The following TNS3 variants were observed in gnomAD, a reference collection of about 807,000 sequenced individuals.
TNS3 encodes the protein tensin 3.
In TNS3, 45 loss-of-function variants were observed where a neutral mutation model predicts 140.9. That is an observed-to-expected ratio of 0.32 (90% CI 0.25 to 0.41). The LOEUF (loss-of-function observed/expected upper bound fraction) is 0.41. TNS3 is among the 10% of genes least tolerant of loss of function. TNS3 has a pLI of 1.00. For synonymous variants in TNS3, 815 were observed against 788.4 expected (o/e 1.03, Z -0.56); for missense variants, 1,716 against 1,906.7 (o/e 0.90, Z 1.86).
At chr7:47,479,791 T>C (rs932095304) in intron 4 of TNS3, among the ~76,000 whole-genome samples, 1 of 152,238 alleles carries the variant, frequency 6.6e-6, no homozygotes, top group Non-Finnish European at 1.5e-5. Flanking sequence ...CAGGCTTCTG[T>C]GACAGGCCTG....
At chr7:47,566,743 G>A (rs971479195) in intron 1 of TNS3, among the ~76,000 whole-genome samples, 1 of 152,124 alleles carries the variant, frequency 6.6e-6, no homozygotes, top group Non-Finnish European at 1.5e-5. Context: ...AGGACAAAAA[G>A]ACATTCCATC....
intron 5 of TNS3, 96 bp downstream of exon 5, chr7:47,441,907 T>A: frequency 1.1e-6 from 1 of 911,628 alleles, no homozygotes; most frequent in Non-Finnish European, 1.5e-6. Context: ...AATTATGATT[T>A]CTACAGAAGA....
intron 4 of TNS3, among the ~76,000 whole-genome samples, chr7:47,459,424 G>T (rs996607134): frequency 2.6e-5 from 4 of 152,208 alleles, no homozygotes; most frequent in Non-Finnish European, 5.9e-5. Context: ...CAAAGGTAAA[G>T]AGACTTGAAG....
chr7:47,537,857 C>G (rs1014463554), intron 1 of TNS3, among the ~76,000 whole-genome samples: 3 of 152,012 alleles, frequency 2.0e-5, no homozygotes, highest in Admixed American at 2.0e-4. Context: ...ACACGCCTAA[C>G]CAGGTAAGGA....
At chr7:47,424,052 G>T in intron 10 of TNS3, 49 bp downstream of exon 10, 3 of 1,576,396 alleles carry the variant, frequency 1.9e-6, no homozygotes, top group Non-Finnish European at 2.6e-6. Flanking sequence ...ATTTTTATAT[G>T]TAAAATTTCA....
At chr7:47,504,672 G>A (rs1798347752) in intron 3 of TNS3, among the ~76,000 whole-genome samples, 1 of 152,222 alleles carries the variant, frequency 6.6e-6, no homozygotes. Context: ...AGAAGCCACA[G>A]CCATATTCAG....
At chr7:47,363,952 T>G (rs1477334841) in intron 17 of TNS3, among the ~76,000 whole-genome samples, 2 of 152,158 alleles carry the variant, frequency 1.3e-5, no homozygotes, top group African/African-American at 4.8e-5. Context: ...TTTGGCTGGC[T>G]GAGGAGACGG....
At chr7:47,292,796 A>G in intron 26 of TNS3, 32 bp downstream of exon 26, 2 of 1,599,726 alleles carry the variant, frequency 1.3e-6, no homozygotes, top group Middle Eastern at 3.3e-4. Flanking sequence ...GACAATCTAC[A>G]CAGAGCCTGA....
At chr7:47,360,467 C>G (rs1044379358) in intron 17 of TNS3, among the ~76,000 whole-genome samples, 1 of 152,208 alleles carries the variant, frequency 6.6e-6, no homozygotes, top group African/African-American at 2.4e-5. Flanking sequence ...GCATGTCCAG[C>G]GCCCGGGGCC....
intron 27 of TNS3, among the ~76,000 whole-genome samples, chr7:47,285,643 T>C (rs146784779): frequency 2.0e-5 from 3 of 152,338 alleles, no homozygotes; most frequent in East Asian, 3.9e-4. Context: ...GAGAGCCGAC[T>C]AGTATACTTG....
intron 16 of TNS3, among the ~76,000 whole-genome samples, chr7:47,392,525 C>T (rs1792587393): frequency 1.3e-5 from 2 of 152,084 alleles, no homozygotes; most frequent in South Asian, 4.2e-4. Flanking sequence ...GAGAGTGCCG[C>T]AATACATCAT....
intron 2 of TNS3, among the ~76,000 whole-genome samples, chr7:47,526,741 T>G (rs1439988524): frequency 2.0e-5 from 3 of 152,242 alleles, no homozygotes; most frequent in Admixed American, 1.3e-4. Flanking sequence ...GATGCCATGC[T>G]GCTCATGACA....
At chr7:47,482,550 G>A (rs186380393) in intron 3 of TNS3, among the ~76,000 whole-genome samples, 3 of 152,292 alleles carry the variant, frequency 2.0e-5, no homozygotes, top group Admixed American at 6.5e-5. Flanking sequence ...GGAAACAGCC[G>A]GACAAGGAGA....
intron 3 of TNS3, among the ~76,000 whole-genome samples, chr7:47,483,993 TAAGA>T (rs977185267): frequency 9.8e-5 from 15 of 152,330 alleles, no homozygotes; most frequent in African/African-American, 3.6e-4. Context: ...GAATCGTTTT[TAAGA>T]AAGTGAGCTG....
At chr7:47,344,725 G>C in intron 20 of TNS3, 30 bp downstream of exon 20, 1 of 1,598,560 alleles carries the variant, frequency 6.3e-7, no homozygotes, top group Non-Finnish European at 8.5e-7. Context: ...TGAGTGCCGC[G>C]CGCCTGTGAC....
At chr7:47,422,753 T>C (rs1405621376) in intron 10 of TNS3, among the ~76,000 whole-genome samples, 1 of 152,180 alleles carries the variant, frequency 6.6e-6, no homozygotes, top group Non-Finnish European at 1.5e-5. Context: ...GGACTTCCTG[T>C]GTGCCAAGCA....
intron 16 of TNS3, among the ~76,000 whole-genome samples, chr7:47,392,324 T>C (rs74755962): frequency 0.02 from 3,033 of 152,244 alleles, 85 homozygotes; most frequent in African/African-American, 0.069. Flanking sequence ...TTTCTGAGTA[T>C]AGAAGCAGAA....
chr7:47,402,734 A>C (rs1002230897), intron 13 of TNS3, among the ~76,000 whole-genome samples: 1 of 152,180 alleles, frequency 6.6e-6, no homozygotes, highest in African/African-American at 2.4e-5. Context: ...TCTGCCTTCA[A>C]ATGTGCCTGT....
At chr7:47,575,671 C>T (rs1227935983) in intron 1 of TNS3, among the ~76,000 whole-genome samples, 2 of 151,548 alleles carry the variant, frequency 1.3e-5, no homozygotes, top group African/African-American at 2.4e-5. Context: ...AAAAATTAGC[C>T]GGGCAGCCAG....
Sources: gnomAD v4.1 joint callset for allele counts (sites outside exome capture counted in the v4.1 genomes callset) on GRCh38, gnomAD v4.1.1 for gene constraint, MANE v1.5 for transcripts, NCBI Gene and HGNC (gene_info 2026-07-23, HGNC 2026-07-21) for gene names.